Variants in FAM229B observed in about 807,000 individuals in gnomAD.
The protein encoded by FAM229B is family with sequence similarity 229 member B, also known as protein FAM229B.
In FAM229B, 2 loss-of-function variants were observed where a neutral mutation model predicts 6.7. The ratio of observed to expected loss-of-function variants is 0.30; its 90% confidence interval spans 0.12 to 0.94. FAM229B has a LOEUF of 0.94. Among genes scored for constraint, FAM229B ranks in the 40% least tolerant of loss-of-function variants. FAM229B has a pLI of 0.54. For synonymous variants in FAM229B, 29 were observed against 34.0 expected (o/e 0.85, Z 0.51); for missense variants, 93 against 96.2 (o/e 0.97, Z 0.14).
At chr6:112,100,109 T>C (rs1562611914) in intron 3 of FAM229B, among the ~76,000 whole-genome samples, 1 of 152,234 alleles carries the variant, frequency 6.6e-6, no homozygotes, top group Non-Finnish European at 1.5e-5. Context: ...TCCCGATCTT[T>C]AGAAATGCTA....
chr6:112,095,651 A>C (rs1314915026), intron 1 of FAM229B, among the ~76,000 whole-genome samples: 31 of 143,860 alleles, frequency 2.2e-4, no homozygotes, highest in Admixed American at 1.6e-3. Flanking sequence ...AAAAAAAAAA[A>C]AAAAAAAAAC....
chr6:112,098,927 A>G (rs189319397), intron 2 of FAM229B, among the ~76,000 whole-genome samples: 39 of 152,320 alleles, frequency 2.6e-4, no homozygotes, highest in African/African-American at 8.7e-4. Flanking sequence ...AGTATTTTAA[A>G]CACTATTTTT....
chr6:112,088,466 T>G (rs1245836715), intron 1 of FAM229B, among the ~76,000 whole-genome samples: 4 of 152,210 alleles, frequency 2.6e-5, no homozygotes, highest in African/African-American at 9.6e-5. Context: ...CTAAGAAGTC[T>G]TCTTTGTTTA....
At chr6:112,093,204 G>T (rs1402927172) in intron 1 of FAM229B, among the ~76,000 whole-genome samples, 1 of 151,788 alleles carries the variant, frequency 6.6e-6, no homozygotes, top group Non-Finnish European at 1.5e-5. Flanking sequence ...AATAGGAAAA[G>T]ATATGTCATA....
At chr6:112,094,205 T>C (rs1344925935) in intron 1 of FAM229B, among the ~76,000 whole-genome samples, 1 of 151,820 alleles carries the variant, frequency 6.6e-6, no homozygotes, top group African/African-American at 2.4e-5. Flanking sequence ...ATAATAAAGA[T>C]TGGAGTGGAA....
rs587761109 is a variant in FAM229B, at chr6:112,097,616, T to G, written c.-15+415T>G. 5.3e-5 allele frequency among the ~76,000 whole-genome samples: 8 copies of G among 150,580 alleles called. No individual in the cohort carries two copies. In the South Asian group the frequency reaches 1.7e-3, roughly 32 times the overall value. Reference sequence around the variant, plus strand: ...CATTGTGTACTAATAGTTGAAAACATTGTGTACTAATAGTTGAATACATTG... The same window carrying G: ...CATTGTGTACTAATAGTTGAAAACAGTGTGTACTAATAGTTGAATACATTG... On this transcript the variant is annotated intron_variant, in intron 2 of 3. Coordinates refer to ENST00000368656, the MANE Select transcript of FAM229B (RefSeq NM_001033564.3).
At position 112,102,673 on chromosome 6, in the gene FAM229B, T is replaced by G. The variant is rs1247131021; in HGVS notation, c.*1886T>G. The stretch of plus-strand genomic sequence containing the variant: ...GAATAGACTGAAGACTACTCTGGAC[T>G]TGCCCTAACAGAGTTTAAGAGCAAC... On this transcript the variant is annotated 3_prime_UTR_variant, in exon 4 of 4. Transcript: ENST00000368656. 1.3e-5 allele frequency: 2 copies of G among 152,098 alleles called. No homozygotes were observed. Among genetic ancestry groups the G allele is most frequent in the Non-Finnish European group, 2.9e-5 (2 of 68,018 alleles). 9.4% of individuals were successfully genotyped at this position (152,098 alleles called of 1,614,324 possible). A position where few individuals can be genotyped will look rare whatever the true frequency, so the allele number is the denominator to read the frequency against.
At position 112,100,576 on chromosome 6, in the gene FAM229B, A is replaced by T; in HGVS notation, c.126-94A>T. On this transcript the variant is annotated intron_variant, in intron 3 of 3. Coordinates refer to ENST00000368656, the MANE Select transcript of FAM229B (RefSeq NM_001033564.3). ...CATTCAGAGATTTCAAAGTGATTTA[A>T]AACAGTTAAATATACAATCAAACTT... 5.0e-6 allele frequency: 4 copies of T among 792,844 alleles called. No individual in the cohort carries two copies. In the South Asian group the frequency reaches 6.5e-5, roughly 13 times the overall value. 49.1% of individuals were successfully genotyped at this position (792,844 alleles called of 1,614,324 possible).
intron 1 of FAM229B, among the ~76,000 whole-genome samples, chr6:112,092,479 T>G (rs1003852681): frequency 7.9e-5 from 12 of 151,876 alleles, no homozygotes; most frequent in African/African-American, 2.2e-4. Flanking sequence ...TGTTCCACAA[T>G]GAATATGAAA....
At chr6:112,096,839 T>C (rs1234266310) in intron 1 of FAM229B, among the ~76,000 whole-genome samples, 2 of 152,134 alleles carry the variant, frequency 1.3e-5, no homozygotes, top group Admixed American at 6.5e-5. Context: ...GAAAACAGGA[T>C]ATAAAATGAG....
rs142956370 is a variant in FAM229B at position 112,095,678 on chromosome 6, GA to G, written c.-175-1352del. On this transcript the variant is annotated intron_variant, in intron 1 of 3. Transcript: ENST00000368656. ...AAAAAAAACCAAAAAAAAAAAAAAAGAAAAAAAAAAACCTCTAACCTAATTC... is the reference window on the plus strand; with the variant it reads ...AAAAAAAACCAAAAAAAAAAAAAAAGAAAAAAAAAACCTCTAACCTAATTC... 4.1e-3 allele frequency among the ~76,000 whole-genome samples: 442 copies of G among 108,832 alleles called. 2 individuals are homozygous for G. The highest frequency in any genetic ancestry group is 7.5e-3 in the African/African-American group (227 of 30,194). The allele number at this position is 108,832 out of a possible 152,430, so 71.4% of individuals were successfully genotyped here. A position where few individuals can be genotyped will look rare whatever the true frequency, so the allele number is the denominator to read the frequency against.
intron 1 of FAM229B, among the ~76,000 whole-genome samples, chr6:112,090,021 C>T (rs1238293076): frequency 4.0e-5 from 6 of 151,884 alleles, no homozygotes; most frequent in Non-Finnish European, 5.9e-5. Context: ...ATGAAATGAA[C>T]GGGGGAGTGG....
intron 1 of FAM229B, among the ~76,000 whole-genome samples, chr6:112,091,142 T>C (rs965459474): frequency 2.0e-5 from 3 of 152,200 alleles, no homozygotes; most frequent in Admixed American, 6.5e-5. Context: ...CTTAGCATAA[T>C]GTCCTCCAGG....
At chr6:112,099,517 CATT>C (rs1258548614) in intron 3 of FAM229B, 109 bp downstream of exon 3, 24 of 1,113,498 alleles carry the variant, frequency 2.2e-5, no homozygotes, top group African/African-American at 1.6e-4. Context: ...AATTCAAAAA[CATT>C]GTTGTTTCTA....
intron 1 of FAM229B, among the ~76,000 whole-genome samples, chr6:112,095,345 A>G (rs1401716592): frequency 6.6e-6 from 1 of 152,110 alleles, no homozygotes; most frequent in African/African-American, 2.4e-5. Context: ...CAAAATTCAA[A>G]CCTGGCTGGG....
chr6:112,094,595 AC>A (rs1554318495), intron 1 of FAM229B, among the ~76,000 whole-genome samples: 1 of 152,106 alleles, frequency 6.6e-6, no homozygotes, highest in Non-Finnish European at 1.5e-5. Context: ...TCCTATCGTA[AC>A]CTACAAACTC....
chr6:112,088,261 T>C (rs2114498697), intron 1 of FAM229B, among the ~76,000 whole-genome samples: 1 of 152,294 alleles, frequency 6.6e-6, no homozygotes, highest in Admixed American at 6.5e-5. Flanking sequence ...GGCATTTAGA[T>C]GGGTATTTAG....
intron 2 of FAM229B, among the ~76,000 whole-genome samples, chr6:112,097,880 G>A (rs1777347373): frequency 6.6e-6 from 1 of 152,148 alleles, no homozygotes; most frequent in African/African-American, 2.4e-5. Context: ...GGAATGAGGG[G>A]GGATATTAAA....
intron 1 of FAM229B, among the ~76,000 whole-genome samples, chr6:112,092,954 A>G (rs1554318301): frequency 6.6e-6 from 1 of 152,024 alleles, no homozygotes; most frequent in African/African-American, 2.4e-5. Context: ...CATTGATCCA[A>G]AAGAATGGAA....
Sources: gnomAD v4.1 joint callset for allele counts (sites outside exome capture counted in the v4.1 genomes callset) on GRCh38, gnomAD v4.1.1 for gene constraint, MANE v1.5 for transcripts, NCBI Gene and HGNC (gene_info 2026-07-23, HGNC 2026-07-21) for gene names.